The following IRAK1BP1 variants were observed in gnomAD, a reference collection of about 807,000 sequenced individuals.
IRAK1BP1 encodes the protein interleukin-1 receptor-associated kinase 1-binding protein 1.
In IRAK1BP1, 24 loss-of-function variants were observed where a neutral mutation model predicts 28.0. The observed-to-expected ratio is 0.86, with a 90% CI of 0.62 to 1.20. IRAK1BP1 has a LOEUF of 1.20. IRAK1BP1 is among the 50% of genes most tolerant of loss of function. IRAK1BP1 has a pLI of 0.00. For missense variants in IRAK1BP1, 336 were observed against 316.7 expected (o/e 1.06, Z -0.46); for synonymous variants, 131 against 116.3 (o/e 1.13, Z -0.81).
At position 78,923,343 on chromosome 6, in the gene IRAK1BP1, G is replaced by T. The variant is rs527842659; in HGVS notation, c.*67+20233G>T. On this transcript the variant is annotated intron_variant and NMD_transcript_variant, in intron 4 of 4. Coordinates refer to the IRAK1BP1 transcript ENST00000606868. ...GACAAGGCCTTTACATAATGGTAAA[G>T]GTATCAATTCAACAAGAAGAGCTAA... Among the ~76,000 whole-genome samples the T allele has an allele frequency of 3.7e-4, 57 of 152,192 alleles. 1 individual carries two copies. The South Asian group carries it at 5.6e-3, about 15-fold the overall frequency.
the IRAK1BP1 span, among the ~76,000 whole-genome samples, chr6:78,954,273 T>TC: frequency 6.6e-6 from 1 of 151,374 alleles, no homozygotes; most frequent in Admixed American, 6.6e-5. Context: ...GGCTAATTTT[T>TC]TTTTTTGTAT....
At chr6:78,921,636 T>C (rs1370602257) in intron 4 of IRAK1BP1, among the ~76,000 whole-genome samples, 1 of 152,102 alleles carries the variant, frequency 6.6e-6, no homozygotes, top group African/African-American at 2.4e-5. Flanking sequence ...CTCAAGTGGG[T>C]CCCTGACCCA....
chr6:78,885,245 A>G (rs1771375626), intron 1 of IRAK1BP1, 133 bp from the exon 2 acceptor site: 1 of 545,126 alleles, frequency 1.8e-6, no homozygotes, highest in South Asian at 2.6e-5. Context: ...GGAAAGTTTT[A>G]AAACATCAGG....
intron 1 of IRAK1BP1, among the ~76,000 whole-genome samples, chr6:78,881,500 T>A (rs1771226988): frequency 6.6e-6 from 1 of 152,086 alleles, no homozygotes; most frequent in Non-Finnish European, 1.5e-5. Context: ...TCACAAATAG[T>A]GAAGCTTGAT....
At chr6:78,870,306 A>C (rs1424832986) in intron 1 of IRAK1BP1, among the ~76,000 whole-genome samples, 1 of 151,862 alleles carries the variant, frequency 6.6e-6, no homozygotes, top group Non-Finnish European at 1.5e-5. Flanking sequence ...TTCCTTTCCT[A>C]ATATAACACT....
intron 2 of IRAK1BP1, among the ~76,000 whole-genome samples, chr6:78,893,314 G>GTATATATATATATATATATATATA (rs60728695): frequency 5.8e-5 from 6 of 103,448 alleles, no homozygotes; most frequent in East Asian, 4.6e-4. Context: ...GTGTGTGTGT[G>GTATATATATATATATATATATATA]TATATATATA....
chr6:78,926,380 G>A (rs930512830), intron 4 of IRAK1BP1, among the ~76,000 whole-genome samples: 8 of 152,072 alleles, frequency 5.3e-5, no homozygotes, highest in Admixed American at 3.9e-4. Flanking sequence ...TTTTCATCAC[G>A]GCACTGTTTG....
chr6:78,965,552 ACTT>A, the IRAK1BP1 span: 564 of 531,246 alleles, frequency 1.1e-3, 7 homozygotes, highest in South Asian at 7.5e-3. Context: ...AATCTCCCCT[ACTT>A]CAAGGTGTAC....
At chr6:78,925,905 T>A (rs1363952776) in intron 4 of IRAK1BP1, among the ~76,000 whole-genome samples, 1 of 152,118 alleles carries the variant, frequency 6.6e-6, no homozygotes, top group East Asian at 1.9e-4. Flanking sequence ...TGGATGTACC[T>A]CAAGACCGTT....
At chr6:78,936,552 C>G (rs1414864932) in intron 4 of IRAK1BP1, 1 of 151,812 alleles carries the variant, frequency 6.6e-6, no homozygotes, top group Non-Finnish European at 1.5e-5. Flanking sequence ...ATTGTAGAAA[C>G]TCAGCCATGC....
At chr6:78,943,580 G>A (rs1420934078) in intron 4 of IRAK1BP1, among the ~76,000 whole-genome samples, 2 of 152,140 alleles carry the variant, frequency 1.3e-5, no homozygotes, top group East Asian at 3.8e-4. Context: ...TTAAAAATGA[G>A]TAAACACATT....
At chr6:78,894,634 C>G (rs991640514) in intron 2 of IRAK1BP1, among the ~76,000 whole-genome samples, 3 of 152,024 alleles carry the variant, frequency 2.0e-5, no homozygotes, top group African/African-American at 4.8e-5. Flanking sequence ...TTCAATACCC[C>G]CCTTTTCAGT....
the IRAK1BP1 span, among the ~76,000 whole-genome samples, chr6:78,972,749 G>A: frequency 5.9e-5 from 9 of 152,096 alleles, no homozygotes; most frequent in South Asian, 4.2e-4. Context: ...CTCAGGAGCC[G>A]ATGCGATGAA....
At chr6:78,964,007 A>G in the IRAK1BP1 span, among the ~76,000 whole-genome samples, 1 of 152,198 alleles carries the variant, frequency 6.6e-6, no homozygotes, top group Non-Finnish European at 1.5e-5. Flanking sequence ...CAAAACAGTG[A>G]ATCAGTATCA....
chr6:78,947,905 C>CT (rs1317304258), downstream of IRAK1BP1: 7 of 494,594 alleles, frequency 1.4e-5, no homozygotes, highest in Non-Finnish European at 2.1e-5. Context: ...TCCTGTTCCC[C>CT]TTATCAAGAG....
intron 1 of IRAK1BP1, among the ~76,000 whole-genome samples, chr6:78,868,106 G>C (rs1196507026): frequency 6.6e-6 from 1 of 152,180 alleles, no homozygotes; most frequent in Non-Finnish European, 1.5e-5. Context: ...TTGGCCTCAG[G>C]CAAATTAAAA....
At chr6:78,972,225 C>T in the IRAK1BP1 span, among the ~76,000 whole-genome samples, 1 of 152,188 alleles carries the variant, frequency 6.6e-6, no homozygotes, top group African/African-American at 2.4e-5. Context: ...TGACCCCTGA[C>T]CCCTGAGCAG....
downstream of IRAK1BP1, among the ~76,000 whole-genome samples, chr6:78,907,995 G>T (rs567527419): frequency 2.6e-5 from 4 of 151,400 alleles, no homozygotes; most frequent in South Asian, 8.3e-4. Context: ...TGGAATTACA[G>T]GCATGAGGCA....
the IRAK1BP1 span, chr6:78,970,196 G>C: frequency 1.9e-6 from 3 of 1,599,374 alleles, no homozygotes; most frequent in Admixed American, 1.7e-5. Flanking sequence ...GAGAATATAA[G>C]GAACCATCTT....
Sources: gnomAD v4.1 joint callset for allele counts (sites outside exome capture counted in the v4.1 genomes callset) on GRCh38, gnomAD v4.1.1 for gene constraint, MANE v1.5 for transcripts, NCBI Gene and HGNC (gene_info 2026-07-23, HGNC 2026-07-21) for gene names.